Variants in CLOCK observed in about 807,000 individuals in gnomAD.
CLOCK encodes circadian locomoter output cycles protein kaput.
CLOCK carries 43 observed loss-of-function variants against 118.4 expected under a neutral mutation model. The observed-to-expected ratio is 0.36, with a 90% CI of 0.28 to 0.47. The LOEUF is 0.47. Among genes scored for constraint, CLOCK ranks in the 20% least tolerant of loss-of-function variants. The probability of loss-of-function intolerance (pLI) is 1.00; values close to 1 mark genes in which losing one functional copy is unlikely to be tolerated. For missense variants in CLOCK, 846 were observed against 999.9 expected (o/e 0.85, Z 2.08); for synonymous variants, 326 against 339.2 (o/e 0.96, Z 0.43).
At chr4:55,504,283 C>CAAAAAAAAAAAAAAAAAAAA (rs35414558) in intron 2 of CLOCK, among the ~76,000 whole-genome samples, 1 of 51,950 alleles carries the variant, frequency 1.9e-5, no homozygotes, top group Non-Finnish European at 3.5e-5. Flanking sequence ...GAGACTCCAT[C>CAAAAAAAAAAAAAAAAAAAA]AAAAAAAAAA....
chr4:55,526,356 C>A (rs1263823570), intron 1 of CLOCK, among the ~76,000 whole-genome samples: 1 of 152,122 alleles, frequency 6.6e-6, no homozygotes, highest in Non-Finnish European at 1.5e-5. Flanking sequence ...GTAAATTTCA[C>A]AATGGATCAT....
At chr4:55,436,335 GT>G (rs1161397507) in intron 22 of CLOCK, among the ~76,000 whole-genome samples, 1 of 152,166 alleles carries the variant, frequency 6.6e-6, no homozygotes, top group Non-Finnish European at 1.5e-5. Context: ...CTGCATTTGA[GT>G]TTTGCTCTGC....
intron 8 of CLOCK, among the ~76,000 whole-genome samples, chr4:55,464,645 G>C (rs1281383942): frequency 6.6e-6 from 1 of 152,142 alleles, no homozygotes; most frequent in Non-Finnish European, 1.5e-5. Context: ...CCAGGGTCCT[G>C]CCCCTGCATT....
chr4:55,524,106 C>T (rs1227137911), intron 1 of CLOCK, among the ~76,000 whole-genome samples: 5 of 151,884 alleles, frequency 3.3e-5, no homozygotes, highest in South Asian at 2.1e-4. Context: ...TATTCATACC[C>T]GGCCGGGCAT....
chr4:55,511,071 C>G (rs1729117508), intron 1 of CLOCK, among the ~76,000 whole-genome samples: 1 of 152,124 alleles, frequency 6.6e-6, no homozygotes, highest in Admixed American at 6.5e-5. Context: ...TGCCCTGGGC[C>G]AATAGCTGAC....
intron 2 of CLOCK, among the ~76,000 whole-genome samples, chr4:55,508,130 CT>C (rs1305938859): frequency 2.0e-5 from 3 of 152,158 alleles, no homozygotes; most frequent in Non-Finnish European, 4.4e-5. Context: ...TAACCATATC[CT>C]TTAGGCCTAT....
intron 8 of CLOCK, among the ~76,000 whole-genome samples, chr4:55,465,984 C>T (rs1725712706): frequency 6.6e-6 from 1 of 151,644 alleles, no homozygotes; most frequent in Admixed American, 6.6e-5. Context: ...GCCTGAATAA[C>T]ACAAATGCTA....
At position 55,455,979 on chromosome 4, in the gene CLOCK, C is replaced by T; in HGVS notation, c.900G>A (p.Leu300=). ...DHRAPPIIGY[L]PFEVLGTSGY... is the part of the protein sequence containing the mutation. ...CTGATGTTCCCAGAACTTCAAATGGCAAATACCCTATTATGGGTGGTGCCC... is the reference window on the plus strand; with the variant it reads ...CTGATGTTCCCAGAACTTCAAATGGTAAATACCCTATTATGGGTGGTGCCC... The change falls in exon 13 of 23, where the codon TTG becomes TTA. Residue 300 remains leucine, a synonymous_variant. Transcript: ENST00000513440. The T allele has an allele frequency of 6.2e-7, 1 of 1,612,552 alleles. No individual in the cohort carries two copies. Among genetic ancestry groups the T allele is most frequent in the South Asian group, 1.1e-5 (1 of 91,042 alleles).
intron 1 of CLOCK, 42 bp from the exon 2 acceptor site, chr4:55,510,107 T>C (rs557862314): frequency 6.6e-6 from 1 of 152,296 alleles, no homozygotes; most frequent in East Asian, 1.9e-4. Flanking sequence ...CTAACCAATT[T>C]AAGTAACATT....
chr4:55,434,392 C>T lies in CLOCK; in HGVS notation c.*1023G>A, dbSNP rs569670465. On this transcript the variant is annotated 3_prime_UTR_variant, in exon 23 of 23. Coordinates refer to ENST00000513440, the MANE Select transcript of CLOCK (RefSeq NM_004898.4). ...ATTTTACCTCTATAACTGAAACATT[C>T]TTGAAATTACTTTCAGGCTTGTTGA... 6.5e-6 allele frequency: 1 copy of T among 152,704 alleles called. No individual in the cohort carries two copies. Among genetic ancestry groups the T allele is most frequent in the African/African-American group, 2.4e-5 (1 of 41,558 alleles). The allele number at this position is 152,704 out of a possible 1,614,324, so 9.5% of individuals were successfully genotyped here. A position where few individuals can be genotyped will look rare whatever the true frequency, so the allele number is the denominator to read the frequency against.
Position 55,449,662 on chromosome 4 carries a change from T to A in CLOCK, c.1349-166A>T, listed in dbSNP as rs529029886. 3.3e-5 allele frequency among the ~76,000 whole-genome samples: 5 copies of A among 152,240 alleles called. No individual in the cohort carries two copies. The South Asian group carries it at 1.0e-3, about 32-fold the overall frequency. On this transcript the variant is annotated intron_variant, in intron 16 of 22. Coordinates refer to ENST00000513440, the MANE Select transcript of CLOCK (RefSeq NM_004898.4). ...AGATGATTCAATGTAGTTACTTCTA[T>A]CTTTTTATGAGCACAAAGAAAATAG...
chr4:55,455,001 G>T (rs999396295), intron 13 of CLOCK, among the ~76,000 whole-genome samples: 1 of 152,002 alleles, frequency 6.6e-6, no homozygotes, highest in African/African-American at 2.4e-5. Context: ...CACATCTTTT[G>T]TGCTGAAATG....
At chr4:55,455,171 G>T (rs967218471) in intron 13 of CLOCK, among the ~76,000 whole-genome samples, 2 of 152,074 alleles carry the variant, frequency 1.3e-5, no homozygotes, top group Admixed American at 1.3e-4. Flanking sequence ...TCTGGGAGGA[G>T]GATCAGAGAA....
intron 15 of CLOCK, among the ~76,000 whole-genome samples, chr4:55,450,851 T>C (rs6820119): frequency 0.028 from 4,250 of 151,502 alleles, 213 homozygotes; most frequent in African/African-American, 0.098. Flanking sequence ...CAAGAAAACA[T>C]AGGGGAGAAA....
intron 1 of CLOCK, among the ~76,000 whole-genome samples, chr4:55,539,887 C>A (rs892369257): frequency 2.0e-5 from 3 of 151,486 alleles, no homozygotes; most frequent in Admixed American, 1.3e-4. Context: ...CATTAGGAGC[C>A]CATAACATCA....
At chr4:55,534,594 T>C (rs1209947127) in intron 1 of CLOCK, among the ~76,000 whole-genome samples, 1 of 152,202 alleles carries the variant, frequency 6.6e-6, no homozygotes, top group African/African-American at 2.4e-5. Context: ...ATCTAGCATA[T>C]ATTTAACTCA....
At position 55,453,119 on chromosome 4, in the gene CLOCK, C is replaced by T. The variant is rs1047615569; in HGVS notation, c.1141G>A (p.Val381Ile). Residue 381 changes from valine (V) to isoleucine (I), a missense_variant, in exon 15 of 23, where the codon GTT becomes ATT. By Grantham distance (29) the Val-to-Ile change is conservative. Coordinates refer to ENST00000513440, the MANE Select transcript of CLOCK (RefSeq NM_004898.4). ...CTHTVVSYAE[V>I]RAERRRELGI... is the part of the protein sequence containing the mutation. ...AGTTCTCGTCGTCTTTCAGCCCTAA[C>T]TTCTGCATAACTACAAATGGAAAAA... is the stretch of plus-strand genomic sequence containing the variant. The T allele has an allele frequency of 3.1e-6, 5 of 1,612,702 alleles. No individual in the cohort carries two copies. In the African/African-American group the frequency reaches 6.7e-5, roughly 22 times the overall value.
chr4:55,448,843 G>A lies in CLOCK; in HGVS notation c.1475C>T (p.Ser492Leu), dbSNP rs1724171257. The change falls in exon 18 of 23, where the codon TCA (serine) becomes TTA (leucine). Residue 492 changes from serine to leucine, a missense_variant. By Grantham distance (145) the Ser-to-Leu change is moderately radical (BLOSUM62 -2). Transcript: ENST00000513440. ...SQSINSQSVGSSLTQPVMSQA... is the reference protein window; with the variant it reads ...SQSINSQSVGLSLTQPVMSQA... ...AGACATCACTGGCTGTGTTAATGAT[G>A]AACCAACAGACTGGGAATTTATGGA... The A allele has an allele frequency of 6.2e-7, 1 of 1,613,804 alleles. No individual in the cohort carries two copies. The highest frequency in any genetic ancestry group is 8.5e-7 in the Non-Finnish European group (1 of 1,179,800).
intron 7 of CLOCK, among the ~76,000 whole-genome samples, chr4:55,471,154 A>C (rs1192008286): frequency 6.6e-6 from 1 of 152,216 alleles, no homozygotes; most frequent in Non-Finnish European, 1.5e-5. Context: ...CATACAAGAC[A>C]TCAACAATGT....
Sources: allele counts gnomAD v4.1 joint callset (sites outside exome capture counted in the v4.1 genomes callset), GRCh38; gene constraint gnomAD v4.1.1; transcripts MANE v1.5; gene names NCBI Gene and HGNC (gene_info 2026-07-23, HGNC 2026-07-21).